The following GOLIM4 variants were observed in gnomAD, a reference collection of about 807,000 sequenced individuals.
The protein encoded by GOLIM4 is golgi integral membrane protein 4.
In GOLIM4, 71 loss-of-function variants were observed where a neutral mutation model predicts 107.4. The observed-to-expected ratio is 0.66, with a 90% confidence interval of 0.55 to 0.81. The LOEUF is 0.81. Among genes scored for constraint, GOLIM4 ranks in the 30% least tolerant of loss-of-function variants. GOLIM4 has a pLI of 0.00. For synonymous variants in GOLIM4, 327 were observed against 294.8 expected (o/e 1.11, Z -1.12); for missense variants, 830 against 826.1 (o/e 1.00, Z -0.06).
chr3:168,050,748 C>G (rs1719577873), intron 1 of GOLIM4, among the ~76,000 whole-genome samples: 1 of 151,370 alleles, frequency 6.6e-6, no homozygotes. Flanking sequence ...AAGAAAGGAA[C>G]AGGTGAACTA....
intron 9 of GOLIM4, among the ~76,000 whole-genome samples, chr3:168,030,510 C>CAAAAAAAAA (rs11411251): frequency 3.9e-5 from 4 of 102,428 alleles, no homozygotes; most frequent in Non-Finnish European, 3.9e-5. Flanking sequence ...TAAGCATAGC[C>CAAAAAAAAA]AAAAAAAAAA....
At chr3:168,012,845 A>AT (rs1433718860) in intron 14 of GOLIM4, among the ~76,000 whole-genome samples, 1 of 152,014 alleles carries the variant, frequency 6.6e-6, no homozygotes, top group Non-Finnish European at 1.5e-5. Context: ...ATGCTGAGAG[A>AT]TTTTGTCACC....
rs953129334 is a variant in GOLIM4 at position 168,029,829 on chromosome 3, T to C, written c.1384A>G (p.Arg462Gly). The C allele has an allele frequency of 1.9e-6, 3 of 1,613,992 alleles. No individual in the cohort carries two copies. The highest frequency in any genetic ancestry group is 2.5e-6 in the Non-Finnish European group (3 of 1,180,042). Residue 462 changes from arginine (R) to glycine (G), a missense_variant, in exon 10 of 16, where the codon AGG (arginine) becomes GGG (glycine). Transcript: ENST00000470487. Reference protein sequence around the residue: ...QQVAREMALQRQAELEEGRPQ... With the variant: ...QQVAREMALQGQAELEEGRPQ... ...CGGCCCTCCTCAAGCTCAGCCTGCC[T>C]CTGCAGGGCCATCTCTCTTGCCACC...
chr3:168,014,023 A>C (rs1198013212), intron 14 of GOLIM4, among the ~76,000 whole-genome samples: 2 of 140,648 alleles, frequency 1.4e-5, no homozygotes, highest in Non-Finnish European at 3.0e-5. Flanking sequence ...AGCAGAAGGC[A>C]AGAAATAACT....
intron 1 of GOLIM4, among the ~76,000 whole-genome samples, chr3:168,055,983 T>C (rs1002944644): frequency 6.6e-6 from 1 of 152,210 alleles, no homozygotes; most frequent in South Asian, 2.1e-4. Context: ...AGGAGCCAAA[T>C]GTTAACGACC....
intron 1 of GOLIM4, among the ~76,000 whole-genome samples, chr3:168,053,271 A>G (rs1043496222): frequency 6.6e-6 from 1 of 152,218 alleles, no homozygotes; most frequent in Non-Finnish European, 1.5e-5. Flanking sequence ...CAACACTCCA[A>G]AATTAGGCAG....
intron 1 of GOLIM4, among the ~76,000 whole-genome samples, chr3:168,063,699 T>A (rs1166827606): frequency 8.3e-6 from 1 of 121,132 alleles, no homozygotes; most frequent in Non-Finnish European, 1.6e-5. Context: ...CCTTTCTTCA[T>A]CCTTTAAGAA....
intron 2 of GOLIM4, among the ~76,000 whole-genome samples, chr3:168,047,949 C>A (rs575588854): frequency 6.6e-6 from 1 of 152,000 alleles, no homozygotes; most frequent in Admixed American, 6.6e-5. Context: ...CCCCCAACCC[C>A]AGCCCCCTCA....
Position 168,010,290 on chromosome 3 carries a change from T to G in GOLIM4, c.2070A>C (p.Ser690=), listed in dbSNP as rs1716919627. 1.6e-5 allele frequency: 25 copies of G among 1,612,874 alleles called. No homozygotes were observed. Among genetic ancestry groups the G allele is most frequent in the Non-Finnish European group, 2.0e-5 (24 of 1,179,564 alleles). ...EEDGAAVAEK[S]HRRAEM is the part of the protein sequence containing the mutation. ...GCCGCTACATTTCAGCTCTTCGATG[T>G]GATTTCTCAGCAACTGCAGCCCCGT... The change falls in exon 16 of 16, where the codon TCA becomes TCC. Residue 690 remains serine, a synonymous_variant. Transcript: ENST00000470487.
At chr3:168,057,011 C>T (rs542046799) in intron 1 of GOLIM4, among the ~76,000 whole-genome samples, 1 of 152,208 alleles carries the variant, frequency 6.6e-6, no homozygotes, top group East Asian at 1.9e-4. Context: ...TGTCCCCCAC[C>T]CAAATCTCAT....
intron 1 of GOLIM4, among the ~76,000 whole-genome samples, chr3:168,091,992 C>T (rs1164297107): frequency 1.3e-5 from 2 of 152,148 alleles, no homozygotes; most frequent in Non-Finnish European, 2.9e-5. Flanking sequence ...CTTGGCTGCA[C>T]ACAGGAATCA....
chr3:168,054,279 C>A (rs1217454101), intron 1 of GOLIM4, among the ~76,000 whole-genome samples: 1 of 152,206 alleles, frequency 6.6e-6, no homozygotes, highest in Admixed American at 6.5e-5. Context: ...CTCACCACAT[C>A]GGGAGTGAAA....
intron 4 of GOLIM4, among the ~76,000 whole-genome samples, chr3:168,044,482 A>G (rs1409555488): frequency 6.6e-6 from 1 of 152,228 alleles, no homozygotes; most frequent in African/African-American, 2.4e-5. Context: ...ACAGCCTCCA[A>G]TCTGTGTAAG....
At chr3:168,040,278 G>A (rs1718908016) in intron 7 of GOLIM4, among the ~76,000 whole-genome samples, 1 of 152,204 alleles carries the variant, frequency 6.6e-6, no homozygotes, top group Non-Finnish European at 1.5e-5. Flanking sequence ...TGGAGCTTAT[G>A]ACTCTTGTTT....
intron 14 of GOLIM4, among the ~76,000 whole-genome samples, chr3:168,016,200 A>G (rs1458029963): frequency 7.4e-6 from 1 of 134,528 alleles, no homozygotes; most frequent in Non-Finnish European, 1.5e-5. Context: ...TACAAGAAAA[A>G]AACAAACAAC....
Position 168,036,887 on chromosome 3 carries a change from A to C in GOLIM4, c.792T>G (p.Ser264=). ...EQQNVTQVAH[S]PQGYNTAREK... The stretch of plus-strand genomic sequence containing the variant: ...CCCTTGCTGTGTTGTAACCTTGTGG[A>C]GAATGTGCCACCTGGGTCACATTTT... The change falls in exon 8 of 16, where the codon TCT becomes TCG. Residue 264 remains serine (S), a synonymous_variant. Transcript: ENST00000470487. 1.2e-5 allele frequency: 19 copies of C among 1,614,002 alleles called. No individual in the cohort carries two copies. The highest frequency in any genetic ancestry group is 1.6e-5 in the Non-Finnish European group (19 of 1,179,880).
At chr3:168,085,558 G>A (rs1721577939) in intron 1 of GOLIM4, among the ~76,000 whole-genome samples, 1 of 152,156 alleles carries the variant, frequency 6.6e-6, no homozygotes, top group African/African-American at 2.4e-5. Flanking sequence ...GACCAAAAGG[G>A]GTAGAAGCAG....
At position 168,090,896 on chromosome 3, in the gene GOLIM4, T is replaced by C. The variant is rs536127942; in HGVS notation, c.187+4203A>G. ...ACATGGATGGACCTGGAGGCCATTA[T>C]CCTAAGGGAAATAACTCAGAAAAAG... On this transcript the variant is annotated intron_variant, in intron 1 of 15. Coordinates refer to ENST00000470487, the MANE Select transcript of GOLIM4 (RefSeq NM_014498.5). Among the ~76,000 whole-genome samples the C allele has an allele frequency of 2.0e-5, 3 of 152,326 alleles. No homozygotes were observed. In the East Asian group the frequency reaches 5.8e-4, roughly 29 times the overall value.
At chr3:168,038,749 G>T (rs540230125) in intron 7 of GOLIM4, among the ~76,000 whole-genome samples, 20 of 152,152 alleles carry the variant, frequency 1.3e-4, no homozygotes, top group Non-Finnish European at 2.6e-4. Context: ...AGGAGATTTG[G>T]GGAAAGTCTT....
Sources: gnomAD v4.1 joint callset for allele counts (sites outside exome capture counted in the v4.1 genomes callset) on GRCh38, gnomAD v4.1.1 for gene constraint, MANE v1.5 for transcripts, NCBI Gene and HGNC (gene_info 2026-07-23, HGNC 2026-07-21) for gene names.